The following DAB1 variants were observed in gnomAD, a reference collection of about 807,000 sequenced individuals.
DAB1 encodes the protein disabled homolog 1.
In DAB1, 15 loss-of-function variants were observed where a neutral mutation model predicts 64.6. That is an observed-to-expected ratio of 0.23 (90% CI 0.16 to 0.36). The LOEUF is 0.36. Ranked by LOEUF, DAB1 falls within the 10% of genes least tolerant of loss-of-function variation. The pLI is 1.00. For missense variants in DAB1, 596 were observed against 706.7 expected (o/e 0.84, Z 1.78); for synonymous variants, 235 against 251.9 (o/e 0.93, Z 0.64).
intron 5 of DAB1, among the ~76,000 whole-genome samples, chr1:58,020,780 A>C (rs1646804405): frequency 6.6e-6 from 1 of 152,122 alleles, no homozygotes; most frequent in African/African-American, 2.4e-5. Flanking sequence ...AAGTGGGCGG[A>C]TTACTTGAGG....
At chr1:57,088,288 C>T (rs1374455688) in intron 4 of DAB1, among the ~76,000 whole-genome samples, 1 of 152,138 alleles carries the variant, frequency 6.6e-6, no homozygotes, top group Admixed American at 6.5e-5. Flanking sequence ...TCAGGCTGGT[C>T]TTGAACTCCT....
intron 5 of DAB1, among the ~76,000 whole-genome samples, chr1:57,990,510 C>T (rs1220525522): frequency 6.6e-6 from 1 of 152,218 alleles, no homozygotes; most frequent in African/African-American, 2.4e-5. Context: ...AGGAACTGAG[C>T]TCAGAGAGGT....
intron 7 of DAB1, among the ~76,000 whole-genome samples, chr1:57,630,777 T>C (rs562521761): frequency 2.0e-5 from 3 of 152,332 alleles, no homozygotes; most frequent in African/African-American, 7.2e-5. Flanking sequence ...GATTTGTTGG[T>C]ATGCTATTTT....
intron 3 of DAB1, among the ~76,000 whole-genome samples, chr1:57,140,887 C>T (rs1490267734): frequency 6.6e-6 from 1 of 152,142 alleles, no homozygotes; most frequent in Non-Finnish European, 1.5e-5. Context: ...GCAAGAGTCA[C>T]AGGCTGCCCT....
intron 7 of DAB1, among the ~76,000 whole-genome samples, chr1:57,464,495 A>C (rs1686890882): frequency 6.6e-6 from 1 of 152,166 alleles, no homozygotes; most frequent in Non-Finnish European, 1.5e-5. Flanking sequence ...TGCTTATAGA[A>C]TCTTCCTCTC....
At chr1:57,444,910 C>T (rs998895029) in intron 7 of DAB1, among the ~76,000 whole-genome samples, 2 of 152,160 alleles carry the variant, frequency 1.3e-5, no homozygotes, top group Non-Finnish European at 2.9e-5. Flanking sequence ...GAAACTAATA[C>T]TGTCATCTAT....
chr1:58,119,231 T>C (rs57794510), intron 5 of DAB1, among the ~76,000 whole-genome samples: 2,446 of 136,874 alleles, frequency 0.018, 66 homozygotes, highest in South Asian at 0.099. Context: ...TGTGCGTGTG[T>C]GTGTGTGTGT....
At chr1:58,452,368 G>C (rs529054848) in intron 3 of DAB1, among the ~76,000 whole-genome samples, 2 of 151,894 alleles carry the variant, frequency 1.3e-5, no homozygotes, top group South Asian at 4.2e-4. Flanking sequence ...CAATGAGATA[G>C]AGATACCATT....
chr1:57,795,688 GAGATATAT>G (rs1650811872), intron 6 of DAB1, among the ~76,000 whole-genome samples: 1 of 42,994 alleles, frequency 2.3e-5, no homozygotes, highest in African/African-American at 1.2e-4. Context: ...ATTATGCTTG[GAGATATAT>G]ATATATATAT....
rs545144491 is a variant in DAB1, at chr1:57,015,309, C to A, written c.1018G>T (p.Ala340Ser). Residue 340 changes from alanine to serine, a missense_variant, in exon 12 of 15, where the codon GCA becomes TCA. Ala to Ser is a moderately conservative substitution (Grantham distance 99, BLOSUM62 1). This residue lies in a region of DAB1 where 377 missense variants were observed against 400.4 expected (regional missense o/e 0.94). Transcript: ENST00000371236. ...AQVMPGAQPI[A>S]WGQPGLFPAT... ...GGAAAGAGACCCGGCTGGCCCCATGCGATGGGCTGAGCCCCCGGCATCACC... is the reference window on the plus strand; with the variant it reads ...GGAAAGAGACCCGGCTGGCCCCATGAGATGGGCTGAGCCCCCGGCATCACC... 7 of 1,613,960 alleles carry A rather than the reference C, an allele frequency of 4.3e-6. No homozygotes were observed. Among genetic ancestry groups the A allele is most frequent in the Admixed American group, 1.7e-5 (1 of 60,002 alleles).
chr1:57,101,111 T>G (rs1034601210), intron 4 of DAB1, among the ~76,000 whole-genome samples: 1 of 152,120 alleles, frequency 6.6e-6, no homozygotes, highest in Admixed American at 6.5e-5. Flanking sequence ...GGAGGCACTC[T>G]ATCCTTCTTA....
chr1:57,408,570 C>T (rs1246999829), intron 1 of DAB1, among the ~76,000 whole-genome samples: 1 of 152,130 alleles, frequency 6.6e-6, no homozygotes, highest in African/African-American at 2.4e-5. Context: ...ACTGCTGCTG[C>T]CCTACTCCCT....
At chr1:58,213,753 T>C (rs1658691251) in intron 4 of DAB1, among the ~76,000 whole-genome samples, 1 of 152,194 alleles carries the variant, frequency 6.6e-6, no homozygotes, top group Non-Finnish European at 1.5e-5. Context: ...AGTGTCTGGA[T>C]CTGTAGTCTA....
At chr1:57,478,109 G>T (rs1001843352) in intron 7 of DAB1, among the ~76,000 whole-genome samples, 3 of 150,696 alleles carry the variant, frequency 2.0e-5, no homozygotes, top group Admixed American at 2.0e-4. Flanking sequence ...TTGTCCAAGT[G>T]TTCTCATTGT....
At chr1:57,697,183 T>C (rs3126019) in intron 6 of DAB1, among the ~76,000 whole-genome samples, 62,810 of 151,910 alleles carry the variant, frequency 0.41, 16,850 homozygotes, top group African/African-American at 0.76. Flanking sequence ...GTTCCTGGCA[T>C]ATAATAGATA....
intron 4 of DAB1, among the ~76,000 whole-genome samples, chr1:58,302,099 T>A (rs181471298): frequency 3.8e-4 from 58 of 152,248 alleles, no homozygotes; most frequent in African/African-American, 1.2e-3. Flanking sequence ...TTGGCTCCCC[T>A]GAAACTAAGG....
intron 7 of DAB1, among the ~76,000 whole-genome samples, chr1:57,508,799 G>C (rs565513932): frequency 1.3e-3 from 202 of 152,228 alleles, no homozygotes; most frequent in Middle Eastern, 0.01. Flanking sequence ...GAGATAGGGA[G>C]AGAATCTTAT....
chr1:58,267,739 A>G (rs1661206576), intron 4 of DAB1, among the ~76,000 whole-genome samples: 1 of 152,150 alleles, frequency 6.6e-6, no homozygotes, highest in South Asian at 2.1e-4. Context: ...TATACACAAT[A>G]CCTTCTATTT....
chr1:57,720,013 G>A (rs942620363), intron 6 of DAB1, among the ~76,000 whole-genome samples: 2 of 152,152 alleles, frequency 1.3e-5, no homozygotes, highest in African/African-American at 4.8e-5. Context: ...GAAATGTGGG[G>A]TTAGGCTTCA....
Sources: allele counts gnomAD v4.1 joint callset (sites outside exome capture counted in the v4.1 genomes callset), GRCh38; gene constraint gnomAD v4.1.1; regional missense constraint gnomAD v4.1.1; transcripts MANE v1.5; gene names NCBI Gene and HGNC (gene_info 2026-07-23, HGNC 2026-07-21).